The following NELL1 variants were observed in gnomAD, a reference collection of about 807,000 sequenced individuals.
The protein encoded by NELL1 is neural EGFL like 1, also known as protein kinase C-binding protein NELL1.
A neutral mutation model predicts 107.4 loss-of-function variants in NELL1; 76 were observed. That is an observed-to-expected ratio of 0.71 (90% CI 0.59 to 0.86). NELL1 has a LOEUF of 0.86. Among genes scored for constraint, NELL1 ranks in the 40% least tolerant of loss-of-function variants. NELL1 has a pLI of 0.00. For synonymous variants in NELL1, 353 were observed against 341.2 expected, an observed-to-expected ratio of 1.03 and a Z score of -0.38; for missense variants, 1,024 against 1,005.5, an observed-to-expected ratio of 1.02 and a Z score of -0.25.
chr11:21,263,518 G>C (rs1220530222), intron 14 of NELL1, among the ~76,000 whole-genome samples: 5 of 151,948 alleles, frequency 3.3e-5, no homozygotes, highest in African/African-American at 7.2e-5. Flanking sequence ...TGATTTCCCG[G>C]TATTCAATAT....
At chr11:21,276,349 A>G (rs942016803) in intron 14 of NELL1, among the ~76,000 whole-genome samples, 1 of 152,234 alleles carries the variant, frequency 6.6e-6, no homozygotes, top group African/African-American at 2.4e-5. Context: ...AGGGACGTGA[A>G]GGACCTTTTC....
chr11:21,419,401 T>C (rs1852603380), intron 15 of NELL1, among the ~76,000 whole-genome samples: 1 of 152,158 alleles, frequency 6.6e-6, no homozygotes, highest in African/African-American at 2.4e-5. Context: ...TGTGTAATAA[T>C]GCTAGCCTGC....
chr11:21,398,316 A>G (rs970507514), intron 15 of NELL1, among the ~76,000 whole-genome samples: 2 of 151,652 alleles, frequency 1.3e-5, no homozygotes, highest in Non-Finnish European at 3.0e-5. Flanking sequence ...GTATCTTTAA[A>G]TGTTCATTAA....
intron 15 of NELL1, among the ~76,000 whole-genome samples, chr11:21,385,172 A>T (rs904515187): frequency 6.6e-6 from 1 of 151,748 alleles, no homozygotes; most frequent in Non-Finnish European, 1.5e-5. Flanking sequence ...CTCTGACACA[A>T]TAGTACTTTT....
At chr11:21,008,484 A>T (rs1317162228) in intron 12 of NELL1, among the ~76,000 whole-genome samples, 2 of 152,150 alleles carry the variant, frequency 1.3e-5, no homozygotes, top group East Asian at 3.9e-4. Flanking sequence ...ATCTAGTCAG[A>T]CTGGGACAGG....
intron 15 of NELL1, among the ~76,000 whole-genome samples, chr11:21,479,883 A>C (rs1854448081): frequency 7.3e-6 from 1 of 137,564 alleles, no homozygotes. Flanking sequence ...CCGGTTTTGC[A>C]CCATCACCAG....
At chr11:21,137,269 A>G (rs1394292068) in intron 13 of NELL1, among the ~76,000 whole-genome samples, 1 of 152,228 alleles carries the variant, frequency 6.6e-6, no homozygotes, top group Admixed American at 6.5e-5. Context: ...CCTGGAGGAG[A>G]ACCCCATGTA....
At chr11:21,419,642 C>CTATT (rs1554908360) in intron 15 of NELL1, among the ~76,000 whole-genome samples, 1 of 152,088 alleles carries the variant, frequency 6.6e-6, no homozygotes, top group Non-Finnish European at 1.5e-5. Flanking sequence ...GCTTAATGCA[C>CTATT]TATTTATAAT....
At chr11:21,422,130 C>T (rs553756084) in intron 15 of NELL1, among the ~76,000 whole-genome samples, 18 of 151,600 alleles carry the variant, frequency 1.2e-4, no homozygotes, top group Middle Eastern at 3.4e-3. Flanking sequence ...TGTGTACACA[C>T]GCACGTGTAT....
chr11:21,019,272 A>G (rs1852642474), intron 12 of NELL1, among the ~76,000 whole-genome samples: 1 of 152,104 alleles, frequency 6.6e-6, no homozygotes, highest in African/African-American at 2.4e-5. Context: ...CTTTTTCTCT[A>G]AATGAGTGAG....
At chr11:20,771,158 C>A (rs902082693) in intron 2 of NELL1, among the ~76,000 whole-genome samples, 2 of 152,184 alleles carry the variant, frequency 1.3e-5, no homozygotes, top group Non-Finnish European at 2.9e-5. Context: ...TCCCTCACCA[C>A]TGACCTCTGG....
intron 2 of NELL1, among the ~76,000 whole-genome samples, chr11:20,739,135 C>T (rs1167170823): frequency 2.6e-5 from 4 of 152,242 alleles, no homozygotes; most frequent in Admixed American, 6.5e-5. Context: ...TTGGACAGCA[C>T]AGCTGTCCTT....
At chr11:21,129,817 A>C (rs935732079) in intron 13 of NELL1, among the ~76,000 whole-genome samples, 1 of 152,176 alleles carries the variant, frequency 6.6e-6, no homozygotes, top group Non-Finnish European at 1.5e-5. Flanking sequence ...AGATGAAAAG[A>C]GTTTTGGAGA....
At chr11:20,964,247 G>C (rs1255979455) in intron 12 of NELL1, among the ~76,000 whole-genome samples, 1 of 152,112 alleles carries the variant, frequency 6.6e-6, no homozygotes, top group Admixed American at 6.6e-5. Context: ...TCTGAGGAAA[G>C]TATAGCAATA....
rs1001232464 is a variant in NELL1 at position 21,163,172 on chromosome 11, G to C, written c.1426+49458G>C. Among the ~76,000 whole-genome samples the C allele has an allele frequency of 7.2e-5, 11 of 152,234 alleles. 1 individual carries two copies. In the South Asian group the frequency reaches 1.7e-3, roughly 23 times the overall value. ...TGTTAGGGTAATTTCAAGTAAATTG[G>C]TGTCAGAGGAGTATGAGCTGTCAAA... On this transcript the variant is annotated intron_variant, in intron 13 of 19. Transcript: ENST00000357134.
chr11:21,469,754 G>A (rs192253039), intron 15 of NELL1, among the ~76,000 whole-genome samples: 111 of 152,150 alleles, frequency 7.3e-4, no homozygotes, highest in South Asian at 2.3e-3. Context: ...CAATAGAAGC[G>A]TATTATGTTT....
At chr11:20,700,125 A>AAAAAAC (rs536294907) in intron 2 of NELL1, among the ~76,000 whole-genome samples, 1 of 107,922 alleles carries the variant, frequency 9.3e-6, no homozygotes, top group South Asian at 2.6e-4. Context: ...CTGTTTTTAG[A>AAAAAAC]AAAAACAAAA....
chr11:20,696,238 A>T (rs1023264254), intron 2 of NELL1, among the ~76,000 whole-genome samples: 1 of 151,894 alleles, frequency 6.6e-6, no homozygotes, highest in African/African-American at 2.4e-5. Flanking sequence ...TTTTGGTTTC[A>T]TTGATTCTTT....
chr11:21,190,024 ACACAAGTTT>A (rs1207806404), intron 13 of NELL1, among the ~76,000 whole-genome samples: 12 of 151,754 alleles, frequency 7.9e-5, no homozygotes, highest in African/African-American at 2.9e-4. Context: ...AATTCACAAG[ACACAAGTTT>A]CACCCAGAGA....
Sources: gnomAD v4.1 joint callset for allele counts (sites outside exome capture counted in the v4.1 genomes callset) on GRCh38, gnomAD v4.1.1 for gene constraint, MANE v1.5 for transcripts, NCBI Gene and HGNC (gene_info 2026-07-23, HGNC 2026-07-21) for gene names.